The following GRIN2B variants were observed in gnomAD, a reference collection of about 807,000 sequenced individuals.
GRIN2B encodes glutamate receptor ionotropic, NMDA 2B.
In GRIN2B, 5 loss-of-function variants were observed where a neutral mutation model predicts 114.5. That is an observed-to-expected ratio of 0.04 (90% confidence interval 0.02 to 0.09). The LOEUF is 0.09. Among genes scored for constraint, GRIN2B ranks in the 10% least tolerant of loss-of-function variants. The probability of loss-of-function intolerance (pLI) is 1.00; values close to 1 mark genes in which losing one functional copy is unlikely to be tolerated. For synonymous variants in GRIN2B, 787 were observed against 745.1 expected (o/e 1.06, Z -0.92); for missense variants, 1,108 against 1,943.5 (o/e 0.57, Z 8.08).
In GRIN2B at chr12:13,647,041, A is replaced by T. The variant is rs111682426; in HGVS notation, c.1125+28704T>A. On this transcript the variant is annotated intron_variant, in intron 5 of 13. Coordinates refer to ENST00000609686, the MANE Select transcript of GRIN2B (RefSeq NM_000834.5). ...CAAATGAATTCAGCCAATGAGCAGC[A>T]GACACTTAGAAGTAGCATCTTCCTC... Among the ~76,000 whole-genome samples the T allele has an allele frequency of 9.2e-5, 14 of 152,240 alleles. 1 individual carries two copies. Among genetic ancestry groups the T allele is most frequent in the Middle Eastern group, 3.4e-3 (1 of 294 alleles).
intron 2 of GRIN2B, among the ~76,000 whole-genome samples, chr12:13,934,327 G>T (rs1165202248): frequency 6.6e-6 from 1 of 152,128 alleles, no homozygotes; most frequent in Admixed American, 6.5e-5. Flanking sequence ...ATTGACTCTT[G>T]TCCTTAGGAA....
At chr12:13,717,618 G>A (rs538271928) in intron 4 of GRIN2B, among the ~76,000 whole-genome samples, 44 of 152,016 alleles carry the variant, frequency 2.9e-4, no homozygotes, top group Middle Eastern at 3.4e-3. Flanking sequence ...CAGTAGACGC[G>A]CGAGAACCCA....
intron 2 of GRIN2B, among the ~76,000 whole-genome samples, chr12:13,933,139 G>A (rs552943543): frequency 8.5e-4 from 129 of 152,250 alleles, no homozygotes; most frequent in South Asian, 1.0e-3. Context: ...GCTTCCAGCT[G>A]TTGCTAGTCT....
chr12:13,718,860 T>A lies in GRIN2B; in HGVS notation c.1010+34457A>T, dbSNP rs139733067. Among the ~76,000 whole-genome samples the A allele has an allele frequency of 5.3e-4, 81 of 152,168 alleles. No homozygotes were observed. The East Asian group carries it at 0.011, about 21-fold the overall frequency. On this transcript the variant is annotated intron_variant, in intron 4 of 13. Transcript: ENST00000609686. ...AGTAGAAACACAGAGAAGATATGCA[T>A]CAATGAGCAACCTCTCTCCAACTCA...
intron 5 of GRIN2B, among the ~76,000 whole-genome samples, chr12:13,641,379 C>T (rs377677101): frequency 6.6e-5 from 10 of 151,946 alleles, no homozygotes; most frequent in African/African-American, 1.7e-4. Context: ...AGCCTTGCAT[C>T]GTTAATTTGA....
Position 13,866,293 on chromosome 12 carries a change from T to A in GRIN2B, c.-18-67A>T, listed in dbSNP as rs1023487330. 15 of 1,371,368 alleles carry A rather than the reference T, an allele frequency of 1.1e-5. No individual in the cohort carries two copies. The Admixed American group carries it at 1.3e-4, about 12-fold the overall frequency. 84.9% of individuals were successfully genotyped at this position (1,371,368 alleles called of 1,614,324 possible). ...TCACGTAACCTGTCTTAGAAGAGGCTAGATACTGCAATTCAAGGACCTTAT... is the reference window on the plus strand; with the variant it reads ...TCACGTAACCTGTCTTAGAAGAGGCAAGATACTGCAATTCAAGGACCTTAT... On this transcript the variant is annotated intron_variant, in intron 2 of 13. Transcript: ENST00000609686.
At chr12:13,857,376 C>T (rs1360698983) in intron 3 of GRIN2B, among the ~76,000 whole-genome samples, 3 of 141,354 alleles carry the variant, frequency 2.1e-5, no homozygotes, top group African/African-American at 7.5e-5. Context: ...CGTGCATACA[C>T]ACACACACAC....
At chr12:13,610,877 G>A (rs1949358345) in intron 9 of GRIN2B, among the ~76,000 whole-genome samples, 1 of 152,168 alleles carries the variant, frequency 6.6e-6, no homozygotes, top group South Asian at 2.1e-4. Context: ...ATGCCCCATA[G>A]ATCATTCTTA....
At chr12:13,759,657 T>C (rs905257604) in intron 3 of GRIN2B, among the ~76,000 whole-genome samples, 1 of 152,182 alleles carries the variant, frequency 6.6e-6, no homozygotes, top group African/African-American at 2.4e-5. Context: ...ACCAGCAACA[T>C]TTGATGTTCT....
chr12:13,701,242 C>T (rs970685906), intron 4 of GRIN2B, among the ~76,000 whole-genome samples: 12 of 152,126 alleles, frequency 7.9e-5, no homozygotes, highest in African/African-American at 2.7e-4. Flanking sequence ...ATGGGGATTA[C>T]AATTCAAGGT....
At chr12:13,651,117 G>A (rs946498757) in intron 5 of GRIN2B, among the ~76,000 whole-genome samples, 1 of 152,070 alleles carries the variant, frequency 6.6e-6, no homozygotes, top group Admixed American at 6.6e-5. Context: ...AGAAGAAAAG[G>A]GGCAAGAGAG....
intron 4 of GRIN2B, among the ~76,000 whole-genome samples, chr12:13,706,708 T>C (rs940548302): frequency 6.6e-6 from 1 of 152,074 alleles, no homozygotes; most frequent in Non-Finnish European, 1.5e-5. Flanking sequence ...ATTTTTTGAA[T>C]CTCCTAAACT....
intron 5 of GRIN2B, among the ~76,000 whole-genome samples, chr12:13,671,131 C>G (rs982508232): frequency 1.3e-5 from 2 of 152,104 alleles, no homozygotes; most frequent in Non-Finnish European, 2.9e-5. Flanking sequence ...ACTGGATACT[C>G]TTTTGTGCCA....
chr12:13,823,578 G>A (rs909790700), intron 3 of GRIN2B, among the ~76,000 whole-genome samples: 1 of 151,910 alleles, frequency 6.6e-6, no homozygotes, highest in Non-Finnish European at 1.5e-5. Context: ...AGAATTTTCT[G>A]CATAGAAAGT....
Position 13,560,040 on chromosome 12 carries a change from G to C in GRIN2B, c.*2743C>G, listed in dbSNP as rs547693212. 4.6e-5 allele frequency: 7 copies of C among 152,328 alleles called. No homozygotes were observed. The highest frequency in any genetic ancestry group is 1.0e-4 in the Non-Finnish European group (7 of 68,040). 9.4% of individuals were successfully genotyped at this position (152,328 alleles called of 1,614,324 possible). A position where few individuals can be genotyped will look rare whatever the true frequency, so the allele number is the denominator to read the frequency against. On this transcript the variant is annotated 3_prime_UTR_variant, in exon 14 of 14. Transcript: ENST00000609686. Reference sequence around the variant, plus strand: ...TTTGTGTGGAATGTGGTAACCTAGGGTCTACCTAGAAGATAGGAGTCAGAC... The same window carrying C: ...TTTGTGTGGAATGTGGTAACCTAGGCTCTACCTAGAAGATAGGAGTCAGAC...
rs1591611094 is a variant in GRIN2B at position 13,570,123 on chromosome 12, A to C, written c.2172-106T>G. On this transcript the variant is annotated intron_variant, in intron 11 of 13. Coordinates refer to ENST00000609686, the MANE Select transcript of GRIN2B (RefSeq NM_000834.5). ...AGGGTTCCAGAAAACTATGTGGAGA[A>C]TTGGTTCAAAGTAAGGTTTAAGTTG... 11 of 806,928 alleles carry C rather than the reference A, an allele frequency of 1.4e-5. No individual in the cohort carries two copies. The East Asian group carries it at 2.9e-4, about 21-fold the overall frequency. The allele number at this position is 806,928 out of a possible 1,614,324, so 50.0% of individuals were successfully genotyped here. A position where few individuals can be genotyped will look rare whatever the true frequency, so the allele number is the denominator to read the frequency against.
intron 2 of GRIN2B, among the ~76,000 whole-genome samples, chr12:13,877,062 C>A (rs1591598488): frequency 6.6e-6 from 1 of 152,248 alleles, no homozygotes; most frequent in Middle Eastern, 3.4e-3. Context: ...ATTTCTAGGT[C>A]AATGTTGTTA....
At chr12:13,893,006 T>C (rs991870115) in intron 2 of GRIN2B, among the ~76,000 whole-genome samples, 1 of 152,184 alleles carries the variant, frequency 6.6e-6, no homozygotes, top group African/African-American at 2.4e-5. Context: ...AATGATGACC[T>C]GACCAAAACC....
intron 4 of GRIN2B, among the ~76,000 whole-genome samples, chr12:13,745,071 C>T (rs1198757145): frequency 6.6e-6 from 1 of 152,140 alleles, no homozygotes; most frequent in African/African-American, 2.4e-5. Context: ...AAGAGAAAGA[C>T]TCAAACCATT....
Sources: gnomAD v4.1 joint callset for allele counts (sites outside exome capture counted in the v4.1 genomes callset) on GRCh38, gnomAD v4.1.1 for gene constraint, MANE v1.5 for transcripts, NCBI Gene and HGNC (gene_info 2026-07-23, HGNC 2026-07-21) for gene names.